PUM1: variants seen among roughly 807,000 people sequenced by gnomAD.
The protein encoded by PUM1 is pumilio RNA binding family member 1.
A neutral mutation model predicts 131.8 loss-of-function variants in PUM1; 13 were observed. The ratio of observed to expected loss-of-function variants is 0.10; its 90% CI spans 0.06 to 0.16. The LOEUF is 0.16. Ranked by LOEUF, PUM1 falls within the 10% of genes least tolerant of loss-of-function variation. PUM1 has a pLI of 1.00. For missense variants in PUM1, 961 were observed against 1,512.4 expected (o/e 0.64, Z 6.05); for synonymous variants, 509 against 556.5 (o/e 0.91, Z 1.20).
At chr1:31,009,335 T>C (rs947101268) in intron 3 of PUM1, among the ~76,000 whole-genome samples, 1 of 152,178 alleles carries the variant, frequency 6.6e-6, no homozygotes, top group African/African-American at 2.4e-5. Context: ...AGAAAGAATG[T>C]CAGCCTAAGG....
At chr1:31,052,582 G>T (rs1354340056) in intron 2 of PUM1, among the ~76,000 whole-genome samples, 1 of 151,832 alleles carries the variant, frequency 6.6e-6, no homozygotes, top group Non-Finnish European at 1.5e-5. Context: ...GCCCAGGCTG[G>T]TCTCAAACTC....
intron 2 of PUM1, among the ~76,000 whole-genome samples, chr1:31,035,435 A>T (rs563391368): frequency 2.0e-5 from 3 of 151,836 alleles, no homozygotes; most frequent in East Asian, 1.9e-4. Context: ...AACACAGATA[A>T]TATTATTCCC....
chr1:30,949,013 T>C (rs910788656), intron 17 of PUM1: 19 of 445,630 alleles, frequency 4.3e-5, no homozygotes, highest in Admixed American at 9.5e-5. Flanking sequence ...TTGAAACTTA[T>C]CACTTTAAAA....
At chr1:30,975,655 C>T (rs1051188557) in intron 9 of PUM1, among the ~76,000 whole-genome samples, 16 of 151,524 alleles carry the variant, frequency 1.1e-4, no homozygotes, top group African/African-American at 3.9e-4. Context: ...AGGCCTGGCC[C>T]CTATTTCTAT....
chr1:30,987,351 C>T (rs1641604097), intron 7 of PUM1, among the ~76,000 whole-genome samples: 1 of 152,070 alleles, frequency 6.6e-6, no homozygotes, highest in Non-Finnish European at 1.5e-5. Context: ...CGTGTGCTAC[C>T]ACGCCCGGCT....
chr1:31,059,850 CTTT>C (rs879611773), intron 1 of PUM1, among the ~76,000 whole-genome samples: 1 of 142,002 alleles, frequency 7.0e-6, no homozygotes, highest in Non-Finnish European at 1.6e-5. Flanking sequence ...TGAACAAAAG[CTTT>C]TTTTTTTTTG....
At chr1:31,003,730 C>A (rs951866306) in intron 5 of PUM1, among the ~76,000 whole-genome samples, 3 of 152,122 alleles carry the variant, frequency 2.0e-5, no homozygotes, top group African/African-American at 7.2e-5. Flanking sequence ...GCACTCCAGT[C>A]TGGGCGACAA....
chr1:30,966,629 C>A (rs1163879680), intron 12 of PUM1, among the ~76,000 whole-genome samples: 2 of 152,174 alleles, frequency 1.3e-5, no homozygotes, highest in South Asian at 4.1e-4. Flanking sequence ...CCATGTAATG[C>A]ACATACACAT....
At chr1:30,941,937 A>C in intron 19 of PUM1, 61 bp downstream of exon 19, 1 of 1,428,076 alleles carries the variant, frequency 7.0e-7, no homozygotes, top group Non-Finnish European at 9.5e-7. Context: ...CAAAACACAC[A>C]AACTCTGGCC....
At chr1:30,951,057 C>T (rs186538164) in intron 16 of PUM1, among the ~76,000 whole-genome samples, 2 of 152,192 alleles carry the variant, frequency 1.3e-5, no homozygotes, top group East Asian at 3.9e-4. Context: ...GATTTTCCAT[C>T]CTTGGCTTAT....
At chr1:31,040,549 A>C (rs1287486087) in intron 2 of PUM1, among the ~76,000 whole-genome samples, 1 of 152,198 alleles carries the variant, frequency 6.6e-6, no homozygotes, top group Admixed American at 6.5e-5. Context: ...GGTATTCACA[A>C]AACTACAAAT....
intron 2 of PUM1, among the ~76,000 whole-genome samples, chr1:31,046,863 T>C (rs1383328506): frequency 6.6e-6 from 1 of 152,196 alleles, no homozygotes; most frequent in Non-Finnish European, 1.5e-5. Flanking sequence ...TGCCAATCAC[T>C]GACCCCACCA....
chr1:30,942,131 T>C lies in PUM1; in HGVS notation c.2995-8A>G, dbSNP rs774621309. ...TGTGGATAAGGCAAATACCTAAGGG[T>C]AGACAAACACAAATGAGAAGCAAAA... On this transcript the variant is annotated splice_region_variant and splice_polypyrimidine_tract_variant and intron_variant, in intron 18 of 21. Transcript: ENST00000426105. The C allele has an allele frequency of 1.1e-5, 16 of 1,500,644 alleles. No homozygotes were observed. Among genetic ancestry groups the C allele is most frequent in the African/African-American group, 1.5e-5 (1 of 66,896 alleles). 93.0% of individuals were successfully genotyped at this position (1,500,644 alleles called of 1,614,324 possible). A position where few individuals can be genotyped will look rare whatever the true frequency, so the allele number is the denominator to read the frequency against.
In PUM1 at chr1:31,063,334, G is replaced by A. The variant is rs1335528250; in HGVS notation, c.-12+2282C>T. ...AATGAGATAAATATAAAAGTTTTTG[G>A]TAAATTTAAAGTCATCGTGCTTAAG... On this transcript the variant is annotated intron_variant, in intron 1 of 21. Coordinates refer to ENST00000426105, the MANE Select transcript of PUM1 (RefSeq NM_001020658.2). Among the ~76,000 whole-genome samples the A allele has an allele frequency of 2.0e-5, 3 of 152,054 alleles. No homozygotes were observed. In the East Asian group the frequency reaches 5.8e-4, roughly 29 times the overall value.
chr1:30,935,145 A>G (rs1463725852), intron 21 of PUM1, among the ~76,000 whole-genome samples: 2 of 152,146 alleles, frequency 1.3e-5, no homozygotes, highest in African/African-American at 4.8e-5. Context: ...TAAACTACAA[A>G]GGCCACATGG....
intron 2 of PUM1, among the ~76,000 whole-genome samples, chr1:31,050,220 C>T (rs1644076341): frequency 6.6e-6 from 1 of 152,208 alleles, no homozygotes; most frequent in East Asian, 1.9e-4. Context: ...GTACGTGGCT[C>T]ACACTTTTAA....
chr1:31,049,818 ACTTC>A (rs1269120236), intron 2 of PUM1, among the ~76,000 whole-genome samples: 9 of 143,626 alleles, frequency 6.3e-5, no homozygotes, highest in Non-Finnish European at 1.2e-4. Flanking sequence ...ATCTGACTGA[ACTTC>A]CTTTTTTTTT....
chr1:30,966,600 T>C (rs1414672842), intron 12 of PUM1, among the ~76,000 whole-genome samples: 1 of 152,234 alleles, frequency 6.6e-6, no homozygotes, highest in Non-Finnish European at 1.5e-5. Context: ...AATATCTATG[T>C]TGAGGGTTTC....
intron 2 of PUM1, among the ~76,000 whole-genome samples, chr1:31,048,067 C>T (rs1481175852): frequency 6.6e-6 from 1 of 151,738 alleles, no homozygotes; most frequent in East Asian, 1.9e-4. Flanking sequence ...AGTGAAACCC[C>T]ATCTCTACTA....
Sources: gnomAD v4.1 joint callset for allele counts (sites outside exome capture counted in the v4.1 genomes callset) on GRCh38, gnomAD v4.1.1 for gene constraint, MANE v1.5 for transcripts, NCBI Gene and HGNC (gene_info 2026-07-23, HGNC 2026-07-21) for gene names.